OPCML: variants seen among roughly 807,000 people sequenced by gnomAD.
OPCML encodes opioid binding protein/cell adhesion molecule like.
In OPCML, 13 loss-of-function variants were observed where a neutral mutation model predicts 37.8. The ratio of observed to expected loss-of-function variants is 0.34; its 90% CI spans 0.22 to 0.55. OPCML has a LOEUF of 0.55. Among genes scored for constraint, OPCML ranks in the 20% least tolerant of loss-of-function variants. The pLI, the probability that OPCML is intolerant of heterozygous loss-of-function variation, is 0.91. For synonymous variants in OPCML, 176 were observed against 168.8 expected (o/e 1.04, Z -0.33); for missense variants, 341 against 435.6 (o/e 0.78, Z 1.93).
At chr11:133,455,728 C>G (rs1315489090) in intron 1 of OPCML, among the ~76,000 whole-genome samples, 1 of 152,122 alleles carries the variant, frequency 6.6e-6, no homozygotes, top group South Asian at 2.1e-4. Context: ...CCTTGTTTCC[C>G]CACTGAAACA....
At chr11:132,889,473 C>T (rs371766445) in intron 2 of OPCML, among the ~76,000 whole-genome samples, 1 of 152,284 alleles carries the variant, frequency 6.6e-6, no homozygotes, top group African/African-American at 2.4e-5. Context: ...AGCTGAAGAT[C>T]TTGGAATATT....
At chr11:132,680,289 C>G (rs1443990239) in intron 2 of OPCML, among the ~76,000 whole-genome samples, 2 of 152,190 alleles carry the variant, frequency 1.3e-5, no homozygotes, top group African/African-American at 2.4e-5. Flanking sequence ...CTCACATCCC[C>G]TCAGGTAACC....
rs910211028 is a variant in OPCML, at chr11:133,257,654, C to T, written c.61+274610G>A. ...AGGTGTCTAATTCTCAGTGCCCTCT[C>T]TTCCTTTTGTTGCAACGTATCTTGT... On this transcript the variant is annotated intron_variant, in intron 1 of 7. Coordinates refer to ENST00000524381, the MANE Select transcript of OPCML (RefSeq NM_001012393.5). 3.9e-5 allele frequency among the ~76,000 whole-genome samples: 6 copies of T among 152,302 alleles called. No homozygotes were observed. In the East Asian group the frequency reaches 9.7e-4, roughly 25 times the overall value.
At position 133,334,232 on chromosome 11, in the gene OPCML, GAAT is replaced by G. The variant is rs371745667; in HGVS notation, c.61+198029_61+198031del. Among the ~76,000 whole-genome samples, 907 of 152,188 alleles carry G rather than the reference GAAT, an allele frequency of 6.0e-3. 2 individuals are homozygous for G. The highest frequency in any genetic ancestry group is 0.014 in the Middle Eastern group (4 of 294). The stretch of plus-strand genomic sequence containing the variant: ...GCACTCTTCAAACAGCAAAGACGTG[GAAT>G]CAACCTAAATGCCCATCAATGACAG... On this transcript the variant is annotated intron_variant, in intron 1 of 7. Transcript: ENST00000524381.
intron 1 of OPCML, among the ~76,000 whole-genome samples, chr11:133,242,255 A>AC (rs1328012393): frequency 6.6e-6 from 1 of 152,142 alleles, no homozygotes; most frequent in East Asian, 1.9e-4. Context: ...GGAGAGGAAA[A>AC]CGGAGCTTCA....
chr11:132,591,785 T>A (rs185209395), intron 3 of OPCML, among the ~76,000 whole-genome samples: 3 of 152,340 alleles, frequency 2.0e-5, no homozygotes, highest in African/African-American at 7.2e-5. Flanking sequence ...GGAAACATCA[T>A]CCCTGCATCT....
At chr11:132,997,643 A>C (rs7944226) in intron 1 of OPCML, among the ~76,000 whole-genome samples, 8,212 of 152,192 alleles carry the variant, frequency 0.054, 759 homozygotes, top group African/African-American at 0.19. Flanking sequence ...TGGAAGGGAC[A>C]CTCATCACCA....
chr11:133,201,903 T>C (rs143745851), intron 1 of OPCML, among the ~76,000 whole-genome samples: 126 of 152,344 alleles, frequency 8.3e-4, no homozygotes, highest in African/African-American at 2.9e-3. Flanking sequence ...CATCCATTCA[T>C]TCAATCAATG....
intron 1 of OPCML, among the ~76,000 whole-genome samples, chr11:133,151,301 C>A (rs1221375202): frequency 3.3e-5 from 5 of 151,680 alleles, no homozygotes; most frequent in South Asian, 2.1e-4. Context: ...AATTCATGAA[C>A]CCCAGGGGAA....
At chr11:132,615,104 T>C (rs1280608007) in intron 3 of OPCML, among the ~76,000 whole-genome samples, 2 of 152,242 alleles carry the variant, frequency 1.3e-5, no homozygotes, top group Non-Finnish European at 2.9e-5. Context: ...CTTGCGTTTT[T>C]ATTTATTAAT....
At chr11:132,850,867 T>C (rs1384018280) in intron 2 of OPCML, among the ~76,000 whole-genome samples, 2 of 152,136 alleles carry the variant, frequency 1.3e-5, no homozygotes, top group East Asian at 3.9e-4. Flanking sequence ...CAATTGACAG[T>C]TTTCCAACAT....
intron 1 of OPCML, among the ~76,000 whole-genome samples, chr11:133,064,409 C>T (rs1948404808): frequency 6.6e-6 from 1 of 152,240 alleles, no homozygotes; most frequent in Non-Finnish European, 1.5e-5. Context: ...GACAAACACC[C>T]CTTTCCCTGG....
chr11:133,422,726 T>C (rs1356172046), intron 1 of OPCML: 1 of 979,256 alleles, frequency 1.0e-6, no homozygotes, highest in East Asian at 1.1e-4. Context: ...TTTCTCATAT[T>C]TCCAGTCTGT....
intron 2 of OPCML, among the ~76,000 whole-genome samples, chr11:132,842,279 G>A (rs113948976): frequency 3.9e-5 from 6 of 152,272 alleles, no homozygotes; most frequent in African/African-American, 1.2e-4. Context: ...CCACTCAAGT[G>A]AATTATTCCT....
intron 1 of OPCML, among the ~76,000 whole-genome samples, chr11:133,293,889 AG>A (rs1257484358): frequency 8.5e-6 from 1 of 117,744 alleles, no homozygotes; most frequent in African/African-American, 3.4e-5. Flanking sequence ...AAAAAAAAAA[AG>A]ACTTCACACA....
chr11:133,403,719 T>C (rs1314168958), intron 1 of OPCML, among the ~76,000 whole-genome samples: 1 of 152,230 alleles, frequency 6.6e-6, no homozygotes, highest in Admixed American at 6.5e-5. Context: ...AATTGGCAAG[T>C]TGAATTGGAT....
chr11:132,563,938 G>T (rs1428951898), intron 3 of OPCML, among the ~76,000 whole-genome samples: 1 of 152,162 alleles, frequency 6.6e-6, no homozygotes, highest in Non-Finnish European at 1.5e-5. Context: ...GTTGATTCCA[G>T]ATAGCCATGC....
At chr11:133,440,275 T>A (rs2136936844) in intron 1 of OPCML, among the ~76,000 whole-genome samples, 1 of 151,882 alleles carries the variant, frequency 6.6e-6, no homozygotes, top group East Asian at 2.0e-4. Flanking sequence ...GGTGCATGCC[T>A]GTAATCCCAG....
intron 3 of OPCML, among the ~76,000 whole-genome samples, chr11:132,632,880 A>T (rs1461303248): frequency 6.6e-6 from 1 of 152,002 alleles, no homozygotes; most frequent in African/African-American, 2.4e-5. Flanking sequence ...GATGATAAAG[A>T]AACATGACTA....
Sources: allele counts gnomAD v4.1 joint callset (sites outside exome capture counted in the v4.1 genomes callset), GRCh38; gene constraint gnomAD v4.1.1; transcripts MANE v1.5; gene names NCBI Gene and HGNC (gene_info 2026-07-23, HGNC 2026-07-21).